The following LARGE1 variants were observed in gnomAD, a reference collection of about 807,000 sequenced individuals.
LARGE1 encodes LARGE xylosyl- and glucuronyltransferase 1.
Under a neutral mutation model 87.6 loss-of-function variants are expected in LARGE1, and 43 were observed. The ratio of observed to expected loss-of-function variants is 0.49; its 90% CI spans 0.38 to 0.63. The LOEUF (loss-of-function observed/expected upper bound fraction) is 0.63. Among genes scored for constraint, LARGE1 ranks in the 30% least tolerant of loss-of-function variants. LARGE1 has a pLI of 0.00. For synonymous variants in LARGE1, 434 were observed against 394.6 expected, an observed-to-expected ratio of 1.10 and a Z score of -1.18; for missense variants, 802 against 1,000.2, an observed-to-expected ratio of 0.80 and a Z score of 2.67.
chr22:33,158,270 G>A (rs1668662617), downstream of LARGE1, among the ~76,000 whole-genome samples: 1 of 151,968 alleles, frequency 6.6e-6, no homozygotes, highest in Non-Finnish European at 1.5e-5. Context: ...AAAACAAAAT[G>A]GTGTAGATAA....
intron 7 of LARGE1, among the ~76,000 whole-genome samples, chr22:33,415,703 C>A (rs2066463028): frequency 1.3e-5 from 2 of 152,116 alleles, no homozygotes; most frequent in African/African-American, 4.8e-5. Context: ...GACTTTAGTG[C>A]CCTGGGCCTG....
At chr22:33,532,859 T>C (rs1385428734) in intron 6 of LARGE1, among the ~76,000 whole-genome samples, 4 of 152,186 alleles carry the variant, frequency 2.6e-5, no homozygotes, top group African/African-American at 7.2e-5. Context: ...TCATCGATGA[T>C]GTCCAGTTAG....
chr22:33,407,981 CTTTT>C (rs35056659), intron 7 of LARGE1, among the ~76,000 whole-genome samples: 14 of 139,550 alleles, frequency 1.0e-4, no homozygotes, highest in Non-Finnish European at 4.7e-5. Flanking sequence ...GGAAGATAAA[CTTTT>C]TTTTTTTTTT....
intron 11 of LARGE1, among the ~76,000 whole-genome samples, chr22:33,308,920 C>T (rs1038366758): frequency 2.6e-5 from 4 of 152,206 alleles, no homozygotes; most frequent in African/African-American, 9.6e-5. Flanking sequence ...GCTAGATATA[C>T]AGCAGGTACT....
chr22:33,646,068 T>G (rs2080603080), intron 3 of LARGE1, among the ~76,000 whole-genome samples: 1 of 152,196 alleles, frequency 6.6e-6, no homozygotes, highest in Admixed American at 6.5e-5. Context: ...AAATACCATT[T>G]GACCCAGCAA....
Position 33,581,814 on chromosome 22 carries a change from A to C in LARGE1, c.616-16795T>G, listed in dbSNP as rs2078529668. Among the ~76,000 whole-genome samples the C allele has an allele frequency of 6.0e-5, 9 of 149,870 alleles. No homozygotes were observed. The South Asian group carries it at 1.9e-3, about 31-fold the overall frequency. On this transcript the variant is annotated intron_variant, in intron 5 of 14. Coordinates refer to ENST00000397394, the MANE Select transcript of LARGE1 (RefSeq NM_133642.5). ...GTGACAGAGTGAAACTCCGTCTCAA[A>C]AAAAAAAAAAAAAAAAAGAATCTGA... is the stretch of plus-strand genomic sequence containing the variant.
At chr22:33,104,156 G>A in the LARGE1 span, among the ~76,000 whole-genome samples, 1 of 152,148 alleles carries the variant, frequency 6.6e-6, no homozygotes, top group Non-Finnish European at 1.5e-5. Context: ...TTTCAGCCTT[G>A]TGAGACCCTG....
At chr22:33,535,716 C>T (rs1268737725) in intron 6 of LARGE1, among the ~76,000 whole-genome samples, 2 of 152,136 alleles carry the variant, frequency 1.3e-5, no homozygotes, top group Non-Finnish European at 1.5e-5. Flanking sequence ...TTTGGGAATA[C>T]CTGGAACCTC....
In LARGE1 at chr22:33,390,689, G is replaced by GT. The variant is rs200764992; in HGVS notation, c.893-6386dup. ...GGGACTCTGTCTGCTTTTGTTGTGT[G>GT]TTTTTTTTTTTTTTTTTTGAGACAG... On this transcript the variant is annotated intron_variant, in intron 7 of 14. Transcript: ENST00000397394. Among the ~76,000 whole-genome samples the GT allele has an allele frequency of 1.8e-3, 242 of 131,790 alleles. 1 individual carries two copies. The highest frequency in any genetic ancestry group is 5.2e-3 in the East Asian group (23 of 4,436). 86.5% of individuals were successfully genotyped at this position (131,790 alleles called of 152,430 possible).
intron 2 of LARGE1, among the ~76,000 whole-genome samples, chr22:33,689,610 G>A (rs2082039167): frequency 6.6e-6 from 1 of 152,066 alleles, no homozygotes; most frequent in Non-Finnish European, 1.5e-5. Context: ...CTCAGAAGAA[G>A]GAAATGTAAA....
At chr22:33,921,735 G>T (rs1307135887), upstream of LARGE1, among the ~76,000 whole-genome samples, 1 of 152,082 alleles carries the variant, frequency 6.6e-6, no homozygotes, top group South Asian at 2.1e-4. This position sits in a 1 kb window ranked among gnomAD's most constrained non-coding sequence, Gnocchi z 4.1. Context: ...TTTCCCTCTT[G>T]GCATAAGAAC....
intron 4 of LARGE1, among the ~76,000 whole-genome samples, chr22:33,613,443 C>T (rs2079496844): frequency 6.6e-6 from 1 of 152,208 alleles, no homozygotes; most frequent in African/African-American, 2.4e-5. Context: ...TCACATCCCA[C>T]AGGTCCCTGG....
rs574682685 is a variant in LARGE1, at chr22:33,179,431, C to T, written c.1731-12599G>A. On this transcript the variant is annotated intron_variant, in intron 11 of 11. Transcript: ENST00000608642. ...GGACAAGGTTAATGACACAAATAGCCCTGGGAAATATAAAGTTTTTGCTTT... is the reference window on the plus strand; with the variant it reads ...GGACAAGGTTAATGACACAAATAGCTCTGGGAAATATAAAGTTTTTGCTTT... Among the ~76,000 whole-genome samples, 5 of 152,210 alleles carry T rather than the reference C, an allele frequency of 3.3e-5. No individual in the cohort carries two copies. In the East Asian group the frequency reaches 7.7e-4, roughly 24 times the overall value.
At chr22:33,187,695 G>A (rs1291824918) in intron 11 of LARGE1, among the ~76,000 whole-genome samples, 1 of 151,958 alleles carries the variant, frequency 6.6e-6, no homozygotes, top group Non-Finnish European at 1.5e-5. Context: ...GAGGCAGGCA[G>A]ATCACGGGGT....
chr22:33,464,850 TAC>T (rs1300770992), intron 6 of LARGE1, among the ~76,000 whole-genome samples: 6 of 148,020 alleles, frequency 4.1e-5, no homozygotes, highest in African/African-American at 1.3e-4. Context: ...CACGCACACA[TAC>T]ACACACACTA....
chr22:33,685,655 G>A (rs1603139351), intron 2 of LARGE1, among the ~76,000 whole-genome samples: 2 of 152,302 alleles, frequency 1.3e-5, no homozygotes, highest in East Asian at 1.9e-4. Flanking sequence ...TGTGAACACT[G>A]CTCTATCAAG....
rs149382168 is a variant in LARGE1 at position 33,452,583 on chromosome 22, G to A, written c.788-20318C>T. Among the ~76,000 whole-genome samples, 325 of 152,278 alleles carry A rather than the reference G, an allele frequency of 2.1e-3. 1 individual carries two copies. The highest frequency in any genetic ancestry group is 7.4e-3 in the African/African-American group (307 of 41,554). ...GAGTGGCAGGGCAAGTCTGCCTGGG[G>A]GGACATCTGTTCCTTATTTAGGGCT... On this transcript the variant is annotated intron_variant, in intron 6 of 14. Transcript: ENST00000397394.
At chr22:33,719,029 T>C (rs2082997477) in intron 2 of LARGE1, among the ~76,000 whole-genome samples, 1 of 152,122 alleles carries the variant, frequency 6.6e-6, no homozygotes, top group Admixed American at 6.5e-5. Context: ...GCTCAGGTGA[T>C]CCACCCGCCT....
At chr22:33,676,940 A>C (rs762953293) in intron 2 of LARGE1, among the ~76,000 whole-genome samples, 1 of 152,272 alleles carries the variant, frequency 6.6e-6, no homozygotes, top group Non-Finnish European at 1.5e-5. Context: ...TAGAGCTTCA[A>C]TATCACAAAA....
Sources: allele counts gnomAD v4.1 joint callset (sites outside exome capture counted in the v4.1 genomes callset), GRCh38; gene constraint gnomAD v4.1.1; non-coding constraint Gnocchi (gnomAD v3.1); transcripts MANE v1.5; gene names NCBI Gene and HGNC (gene_info 2026-07-23, HGNC 2026-07-21).